The following AMACR variants were observed in gnomAD, a reference collection of about 807,000 sequenced individuals.
The protein encoded by AMACR is 2-methylacyl-CoA racemase.
Under a neutral mutation model 22.2 loss-of-function variants are expected in AMACR, and 18 were observed. That is an observed-to-expected ratio of 0.81 (90% CI 0.56 to 1.20). AMACR has a LOEUF of 1.20. Among genes scored for constraint, AMACR ranks in the 50% most tolerant of loss-of-function variants. AMACR has a pLI of 0.00. For missense variants in AMACR, 499 were observed against 490.6 expected (o/e 1.02, Z -0.16); for synonymous variants, 213 against 191.3 (o/e 1.11, Z -0.94).
chr5:34,005,419 T>C lies in AMACR; in HGVS notation c.391+337A>G, dbSNP rs1501695. Among the ~76,000 whole-genome samples the C allele has an allele frequency of 2.8e-3, 430 of 152,270 alleles. 6 individuals are homozygous for C. Among genetic ancestry groups the C allele is most frequent in the South Asian group, 0.028 (133 of 4,824 alleles). On this transcript the variant is annotated intron_variant, in intron 2 of 4. Coordinates refer to ENST00000335606, the MANE Select transcript of AMACR (RefSeq NM_014324.6). ...AGAAGTAGCTGTCAGAATCTAACTA[T>C]GTCAACATTTTCAAACCACAGAGCA...
At chr5:33,994,489 A>C (rs1250098073) in intron 4 of AMACR, among the ~76,000 whole-genome samples, 2 of 152,210 alleles carry the variant, frequency 1.3e-5, no homozygotes, top group Admixed American at 6.5e-5. Context: ...TCAAAAAATT[A>C]CTACAGATGT....
intron 4 of AMACR, among the ~76,000 whole-genome samples, chr5:33,992,040 G>A (rs1340673808): frequency 8.6e-5 from 13 of 151,960 alleles, no homozygotes; most frequent in Admixed American, 2.6e-4. Flanking sequence ...CACCATGCCC[G>A]GCAAATTTTT....
At chr5:34,001,537 C>A (rs1482786045) in intron 3 of AMACR, among the ~76,000 whole-genome samples, 1 of 152,152 alleles carries the variant, frequency 6.6e-6, no homozygotes, top group African/African-American at 2.4e-5. Flanking sequence ...GGTCACAGCT[C>A]ATTATGTAAG....
chr5:33,993,785 G>A (rs1753554949), intron 4 of AMACR, among the ~76,000 whole-genome samples: 2 of 152,092 alleles, frequency 1.3e-5, no homozygotes, highest in African/African-American at 4.8e-5. Flanking sequence ...TGTAATCCCA[G>A]CTACTCAGGA....
intron 4 of AMACR, among the ~76,000 whole-genome samples, chr5:33,998,205 C>A (rs773843811): frequency 5.3e-5 from 8 of 152,210 alleles, no homozygotes; most frequent in Non-Finnish European, 7.3e-5. Flanking sequence ...AACAGAATCT[C>A]ATTTGGCAAA....
In AMACR at chr5:33,989,431, A is replaced by C. The variant is rs1378514443; in HGVS notation, c.811T>G (p.Phe271Val). The change falls in exon 5 of 5, where the codon TTT (phenylalanine) becomes GTT (valine). Residue 271 changes from phenylalanine (F) to valine (V), a missense_variant. Transcript: ENST00000335606. The part of the protein sequence containing the change: ...MDDWPEMKKK[F>V]ADVFAEKTKA... ...GTCTTCTCTGCAAATACATCTGCAA[A>C]CTTCTTCTTCATTTCTGGCCAATCA... 6.2e-7 allele frequency: 1 copy of C among 1,614,004 alleles called. No homozygotes were observed. The highest frequency in any genetic ancestry group is 1.3e-5 in the African/African-American group (1 of 74,900).
At chr5:33,996,908 TAAAC>T (rs564747484) in intron 4 of AMACR, 6 of 413,080 alleles carry the variant, frequency 1.5e-5, no homozygotes, top group Non-Finnish European at 2.6e-5. Context: ...AGAAAATCAT[TAAAC>T]AAACAGCAAC....
At chr5:34,007,403 A>G (rs1429459755) in intron 1 of AMACR, among the ~76,000 whole-genome samples, 4 of 152,286 alleles carry the variant, frequency 2.6e-5, no homozygotes, top group Admixed American at 6.5e-5. Flanking sequence ...GACCGCCTAT[A>G]TGCAGTTTTC....
chr5:34,006,701 T>G (rs984488562), intron 1 of AMACR, among the ~76,000 whole-genome samples: 2 of 152,260 alleles, frequency 1.3e-5, no homozygotes, highest in Non-Finnish European at 2.9e-5. Flanking sequence ...TATTACATAA[T>G]CTTAATTATT....
Position 33,988,061 on chromosome 5 carries a change from C to G in AMACR, c.*1032G>C, listed in dbSNP as rs550891172. 32 of 372,086 alleles carry G rather than the reference C, an allele frequency of 8.6e-5. No individual in the cohort carries two copies. Among genetic ancestry groups the G allele is most frequent in the African/African-American group, 6.5e-4 (32 of 49,172 alleles). The allele number at this position is 372,086 out of a possible 1,614,324, so 23.0% of individuals were successfully genotyped here. ...CAGTTGAGATACTGCGCAGAATGGA[C>G]CTTATTGATGGCCTACCCAACATCC... On this transcript the variant is annotated 3_prime_UTR_variant, in exon 5 of 5. Coordinates refer to ENST00000335606, the MANE Select transcript of AMACR (RefSeq NM_014324.6).
chr5:33,999,126 G>A (rs1486236286), intron 3 of AMACR, among the ~76,000 whole-genome samples: 4 of 152,064 alleles, frequency 2.6e-5, no homozygotes, highest in African/African-American at 9.7e-5. Context: ...GCTAGGTGAG[G>A]GTACATGGAA....
At chr5:33,990,133 C>T (rs191897973) in intron 4 of AMACR, among the ~76,000 whole-genome samples, 1 of 152,098 alleles carries the variant, frequency 6.6e-6, no homozygotes, top group African/African-American at 2.4e-5. Flanking sequence ...CAGCAAGACC[C>T]CCATCATCCA....
rs1276990273 is a variant in AMACR at position 33,998,815 on chromosome 5, C to T, written c.565G>A (p.Ala189Thr). 1.2e-6 allele frequency: 2 copies of T among 1,614,010 alleles called. No homozygotes were observed. The highest frequency in any genetic ancestry group is 1.7e-6 in the Non-Finnish European group (2 of 1,179,924). ...TTCCACAGAAAAGAACTTAAATATG[C>T]TGTTCCTTCCACCTTTGAGAAAACA... ...VIDANMVEGT[A>T]YLSSFLWKTQ... The change falls in exon 4 of 5, where the codon GCA becomes ACA. Residue 189 changes from alanine to threonine, a missense_variant. Coordinates refer to ENST00000335606, the MANE Select transcript of AMACR (RefSeq NM_014324.6).
In AMACR at chr5:34,005,757, T is replaced by C. The variant is rs956855222; in HGVS notation, c.390A>G (p.Ser130=). 2 of 1,613,990 alleles carry C rather than the reference T, an allele frequency of 1.2e-6. No homozygotes were observed. Among genetic ancestry groups the C allele is most frequent in the African/African-American group, 2.7e-5 (2 of 74,922 alleles). Residue 130 remains serine, a splice_region_variant and synonymous_variant, in exon 2 of 5, where the codon TCA becomes TCG. Coordinates refer to ENST00000335606, the MANE Select transcript of AMACR (RefSeq NM_014324.6). The stretch of plus-strand genomic sequence containing the variant: ...AGACTAAATTTTTTTTCAACATACC[T>C]GACAAAGCCAAATAGTTGATATCGT... ...AGHDINYLAL[S]GVLSKIGRSG...
chr5:34,002,141 C>T (rs545479099), intron 3 of AMACR, among the ~76,000 whole-genome samples: 20 of 152,258 alleles, frequency 1.3e-4, no homozygotes, highest in Admixed American at 5.2e-4. Context: ...GGACTGCAGA[C>T]GCGTACCACC....
Position 34,006,775 on chromosome 5 carries a change from T to A in AMACR, c.248-876A>T, listed in dbSNP as rs112368807. Among the ~76,000 whole-genome samples the A allele has an allele frequency of 2.6e-5, 4 of 152,394 alleles. 1 individual carries two copies. The highest frequency in any genetic ancestry group is 9.6e-5 in the African/African-American group (4 of 41,600). ...GGTTAAATGAGTTAACGCATTTAAA[T>A]AAGCCGGCTGTGCCGTAGGCATTCA... On this transcript the variant is annotated intron_variant, in intron 1 of 4. Transcript: ENST00000335606.
rs34684 is a variant in AMACR at position 34,005,457 on chromosome 5, A to G, written c.391+299T>C. On this transcript the variant is annotated intron_variant, in intron 2 of 4. Transcript: ENST00000335606. ...AAACCACAGAGCAACCATCCGTAGTACCCAGTAAGCCTCTTAATTCCTAGC... is the reference window on the plus strand; with the variant it reads ...AAACCACAGAGCAACCATCCGTAGTGCCCAGTAAGCCTCTTAATTCCTAGC... Among the ~76,000 whole-genome samples, 38,180 of 152,042 alleles carry G rather than the reference A, an allele frequency of 0.25. 6,075 individuals carry two copies. Among genetic ancestry groups the G allele is most frequent in the African/African-American group, 0.46 (19,004 of 41,432 alleles).
chr5:33,989,258 T>C lies in AMACR; in HGVS notation c.984A>G (p.Ala328=), dbSNP rs761768331. 10 of 1,614,076 alleles carry C rather than the reference T, an allele frequency of 6.2e-6. No homozygotes were observed. In the Admixed American group the frequency reaches 1.3e-4, roughly 22 times the overall value. The change falls in exon 5 of 5, where the codon GCA becomes GCG. Residue 328 remains alanine, a synonymous_variant. Transcript: ENST00000335606. ...SEEQDVSPRP[A]PLLLNTPAIP... ...TGGCTGGGGTGTTTAACAGCAGAGG[T>C]GCAGGGCGGGGGCTCACGTCCTGCT...
chr5:34,004,828 C>T (rs1753924261), intron 2 of AMACR, 94 bp from the exon 3 acceptor site: 2 of 1,419,908 alleles, frequency 1.4e-6, no homozygotes, highest in Admixed American at 3.9e-5. Flanking sequence ...TCAATCTCTC[C>T]AGCAGATAAT....
Sources: gnomAD v4.1 joint callset for allele counts (sites outside exome capture counted in the v4.1 genomes callset) on GRCh38, gnomAD v4.1.1 for gene constraint, MANE v1.5 for transcripts, NCBI Gene and HGNC (gene_info 2026-07-23, HGNC 2026-07-21) for gene names.